Variants in SBDS observed in about 807,000 individuals in gnomAD.
SBDS encodes SBDS ribosome maturation factor.
In SBDS, 20 loss-of-function variants were observed where a neutral mutation model predicts 26.4. That is an observed-to-expected ratio of 0.76 (90% CI 0.53 to 1.10). The LOEUF (loss-of-function observed/expected upper bound fraction) is 1.10, where lower values mean the gene tolerates loss of function less well. Among genes scored for constraint, SBDS ranks in the 50% least tolerant of loss-of-function variants. The pLI is 0.00. For synonymous variants in SBDS, 95 were observed against 105.1 expected (o/e 0.90, Z 0.59); for missense variants, 241 against 302.0 (o/e 0.80, Z 1.50).
Position 66,993,202 on chromosome 7 carries a change from T to A in SBDS, c.459+15A>T. The A allele has an allele frequency of 6.2e-7, 1 of 1,607,768 alleles. No individual in the cohort carries two copies. Among genetic ancestry groups the A allele is most frequent in the Non-Finnish European group, 8.5e-7 (1 of 1,174,252 alleles). On this transcript the variant is annotated intron_variant, in intron 3 of 4. Coordinates refer to ENST00000246868, the MANE Select transcript of SBDS (RefSeq NM_016038.4). ...TTTCCATGGCTATATTTTGATGACA[T>A]GAGAAACCACTCACCTGCTGTTTTG...
intron 3 of SBDS, among the ~76,000 whole-genome samples, chr7:66,991,867 G>A (rs879541639): frequency 2.0e-5 from 3 of 152,030 alleles, no homozygotes; most frequent in African/African-American, 4.8e-5. Flanking sequence ...TCAAAACCAC[G>A]ACAAGATACC....
intron 4 of SBDS, among the ~76,000 whole-genome samples, chr7:66,990,907 C>T (rs559915260): frequency 1.3e-5 from 2 of 151,960 alleles, no homozygotes; most frequent in South Asian, 2.1e-4. Context: ...GTCCCAGCTA[C>T]ACAGGAGGCT....
Position 66,994,387 on chromosome 7 carries a change from T to C in SBDS, c.129-46A>G, listed in dbSNP as rs1793041874. On this transcript the variant is annotated intron_variant, in intron 1 of 4. Transcript: ENST00000246868. ...AGTCCTATGTGAATATACTTGAAAC[T>C]TGGACATGCATTTACATTTAAATAC... 3 of 1,565,432 alleles carry C rather than the reference T, an allele frequency of 1.9e-6. No individual in the cohort carries two copies. The East Asian group carries it at 6.7e-5, about 35-fold the overall frequency.
intron 2 of SBDS, 122 bp from the exon 3 acceptor site, chr7:66,993,539 A>G: frequency 2.5e-6 from 2 of 791,614 alleles, no homozygotes; most frequent in Non-Finnish European, 4.3e-6. Flanking sequence ...CTCTCCAGCT[A>G]TCAATATGTA....
At position 66,988,488 on chromosome 7, in the gene SBDS, A is replaced by C; in HGVS notation, c.636T>G (p.Ile212Met). ...CAATTTCTCGGAAGCAGCCCGGGTC[A>C]ATCAGACATACCTGAAACATTTAAC... ...YGQQLEIVCLIDPGCFREIDE... is the reference protein window; with the variant it reads ...YGQQLEIVCLMDPGCFREIDE... Residue 212 changes from isoleucine to methionine, a missense_variant, in exon 5 of 5, where the codon ATT (isoleucine) becomes ATG (methionine). Ile to Met is a conservative substitution (Grantham distance 10). Transcript: ENST00000246868. 1 of 1,613,770 alleles carries C rather than the reference A, an allele frequency of 6.2e-7. No homozygotes were observed. Among genetic ancestry groups the C allele is most frequent in the Non-Finnish European group, 8.5e-7 (1 of 1,180,010 alleles).
At chr7:66,992,560 AG>A (rs1792995451) in intron 3 of SBDS, among the ~76,000 whole-genome samples, 1 of 152,130 alleles carries the variant, frequency 6.6e-6, no homozygotes, top group South Asian at 2.1e-4. Flanking sequence ...TGATTTGGAT[AG>A]GAAGAAGAAA....
At position 66,993,890 on chromosome 7, in the gene SBDS, A is replaced by G. The variant is rs570847293; in HGVS notation, c.258+322T>C. Among the ~76,000 whole-genome samples, 31 of 152,152 alleles carry G rather than the reference A, an allele frequency of 2.0e-4. 1 individual carries two copies. Among genetic ancestry groups the G allele is most frequent in the African/African-American group, 7.2e-4 (30 of 41,532 alleles). On this transcript the variant is annotated intron_variant, in intron 2 of 4. Coordinates refer to ENST00000246868, the MANE Select transcript of SBDS (RefSeq NM_016038.4). ...CAAGACTCTGTCCCCCCACCCAAAA[A>G]AAAAAGGATCTGAAAGATGAAATAC... is the stretch of plus-strand genomic sequence containing the variant.
Position 66,995,479 on chromosome 7 carries a change from A to G in SBDS, c.-62T>C. 6.2e-7 allele frequency: 1 copy of G among 1,609,926 alleles called. No individual in the cohort carries two copies. Among genetic ancestry groups the G allele is most frequent in the African/African-American group, 1.3e-5 (1 of 74,952 alleles). On this transcript the variant is annotated 5_prime_UTR_variant, in exon 1 of 5. Transcript: ENST00000246868. ...GGCTGACCCGCGCCGTCCAGCCTGA[A>G]GGCCACCAGCGCCTCGCGGTAACGA... is the stretch of plus-strand genomic sequence containing the variant.
At chr7:66,991,862 A>G (rs1247456011) in intron 3 of SBDS, among the ~76,000 whole-genome samples, 1 of 152,140 alleles carries the variant, frequency 6.6e-6, no homozygotes, top group Non-Finnish European at 1.5e-5. Context: ...GCAAATCAAA[A>G]CCACGACAAG....
At chr7:66,993,895 A>G (rs1394453864) in intron 2 of SBDS, among the ~76,000 whole-genome samples, 1 of 151,982 alleles carries the variant, frequency 6.6e-6, no homozygotes, top group East Asian at 1.9e-4. Flanking sequence ...CAAAAAAAAA[A>G]GGATCTGAAA....
chr7:66,992,009 C>T (rs982336457), intron 3 of SBDS, among the ~76,000 whole-genome samples: 4 of 152,192 alleles, frequency 2.6e-5, no homozygotes, highest in African/African-American at 9.6e-5. Flanking sequence ...TTGGTAGTCA[C>T]CAGGTATACA....
Position 66,988,200 on chromosome 7 carries a change from C to A in SBDS, c.*171G>T, listed in dbSNP as rs1313612088. The A allele has an allele frequency of 1.4e-6, 1 of 694,954 alleles. No homozygotes were observed. Among genetic ancestry groups the A allele is most frequent in the African/African-American group, 1.8e-5 (1 of 55,840 alleles). 43.0% of individuals were successfully genotyped at this position (694,954 alleles called of 1,614,324 possible). A position where few individuals can be genotyped will look rare whatever the true frequency, so the allele number is the denominator to read the frequency against. ...CCCCAGTTTATAATTAAAACCAAAT[C>A]ATTCCCACATTATTATACTTATGTA... On this transcript the variant is annotated 3_prime_UTR_variant, in exon 5 of 5. Transcript: ENST00000246868.
rs1455244095 is a variant in SBDS at position 66,993,425 on chromosome 7, A to C, written c.259-8T>G. On this transcript the variant is annotated splice_polypyrimidine_tract_variant and splice_region_variant and intron_variant, in intron 2 of 4. Transcript: ENST00000246868. ...TTCTCCTTTAGTCAAAATCTAAAAAAATGCCAACACATTTAAGAAATCACT... is the reference window on the plus strand; with the variant it reads ...TTCTCCTTTAGTCAAAATCTAAAAACATGCCAACACATTTAAGAAATCACT... The C allele has an allele frequency of 5.6e-6, 9 of 1,608,736 alleles. No homozygotes were observed. The South Asian group carries it at 9.9e-5, about 18-fold the overall frequency.
At chr7:66,994,520 A>T (rs1793053046) in intron 1 of SBDS, among the ~76,000 whole-genome samples, 179 bp from the exon 2 acceptor site, 1 of 149,056 alleles carries the variant, frequency 6.7e-6, no homozygotes, top group African/African-American at 2.4e-5. Context: ...CCTAGATGGA[A>T]TTTCACTGTT....
intron 4 of SBDS, among the ~76,000 whole-genome samples, chr7:66,988,992 C>T (rs1042932325): frequency 1.3e-5 from 2 of 151,966 alleles, no homozygotes; most frequent in Non-Finnish European, 2.9e-5. Flanking sequence ...GCCTCAGCCT[C>T]CCAAGAAACT....
At chr7:66,994,657 G>A (rs1269121975) in intron 1 of SBDS, among the ~76,000 whole-genome samples, 1 of 152,146 alleles carries the variant, frequency 6.6e-6, no homozygotes, top group Non-Finnish European at 1.5e-5. Context: ...ACCACACCCG[G>A]CTAACTTTGT....
At position 66,987,940 on chromosome 7, in the gene SBDS, A is replaced by G. The variant is rs1023360460; in HGVS notation, c.*431T>C. On this transcript the variant is annotated 3_prime_UTR_variant, in exon 5 of 5. Transcript: ENST00000246868. ...ATACCATAATGACCCTCAGAACACA[A>G]GTTCCATTAAGTAGAAATGAAGCAT... is the stretch of plus-strand genomic sequence containing the variant. 2 of 240,242 alleles carry G rather than the reference A, an allele frequency of 8.3e-6. No homozygotes were observed. Among genetic ancestry groups the G allele is most frequent in the African/African-American group, 4.5e-5 (2 of 44,534 alleles). 14.9% of individuals were successfully genotyped at this position (240,242 alleles called of 1,614,324 possible).
At chr7:66,991,023 A>C (rs1192665606) in intron 4 of SBDS, 114 bp downstream of exon 4, 10 of 1,075,800 alleles carry the variant, frequency 9.3e-6, no homozygotes, top group Non-Finnish European at 1.3e-5. Context: ...TCTCAAAAAA[A>C]AAAAAGAAAA....
At chr7:66,988,528 C>T (rs1792914792) in intron 4 of SBDS, 29 bp from the exon 5 acceptor site, 2 of 1,611,144 alleles carry the variant, frequency 1.2e-6, no homozygotes, top group South Asian at 1.1e-5. Context: ...CAGATTACCA[C>T]ATGAGGATGA....
Sources: allele counts gnomAD v4.1 joint callset (sites outside exome capture counted in the v4.1 genomes callset), GRCh38; gene constraint gnomAD v4.1.1; transcripts MANE v1.5; gene names NCBI Gene and HGNC (gene_info 2026-07-23, HGNC 2026-07-21).